The following RBBP5 variants were observed in gnomAD, a reference collection of about 807,000 sequenced individuals.
RBBP5 encodes the protein RB binding protein 5, histone lysine methyltransferase complex subunit.
A neutral mutation model predicts 72.2 loss-of-function variants in RBBP5; 5 were observed. The ratio of observed to expected loss-of-function variants is 0.07; its 90% CI spans 0.04 to 0.15. RBBP5 has a LOEUF of 0.15. Ranked by LOEUF, RBBP5 falls within the 10% of genes least tolerant of loss-of-function variation. The pLI is 1.00. For synonymous variants in RBBP5, 209 were observed against 237.2 expected (o/e 0.88, Z 1.09); for missense variants, 322 against 652.2 (o/e 0.49, Z 5.51).
intron 3 of RBBP5, among the ~76,000 whole-genome samples, chr1:205,114,164 C>T (rs753663162): frequency 1.3e-4 from 20 of 152,166 alleles, no homozygotes; most frequent in Non-Finnish European, 2.1e-4. Flanking sequence ...CCTCCCAATC[C>T]AGTGCTTTAT....
At position 205,099,125 on chromosome 1, in the gene RBBP5, T is replaced by C; in HGVS notation, c.979-19A>G. The C allele has an allele frequency of 7.0e-7, 1 of 1,422,502 alleles. No homozygotes were observed. The highest frequency in any genetic ancestry group is 9.8e-7 in the Non-Finnish European group (1 of 1,022,716). The allele number at this position is 1,422,502 out of a possible 1,614,324, so 88.1% of individuals were successfully genotyped here. A position where few individuals can be genotyped will look rare whatever the true frequency, so the allele number is the denominator to read the frequency against. ...AGTTTTCCTATACAACAAGATATAC[T>C]ACTTAACCATATGTGAAAGCAATAA... is the stretch of plus-strand genomic sequence containing the variant. On this transcript the variant is annotated intron_variant, in intron 9 of 13. Transcript: ENST00000264515. The surrounding 1 kb of genome is among the most constrained non-coding windows in gnomAD (Gnocchi z 4.7).
At chr1:205,113,427 T>C (rs1185235005) in intron 3 of RBBP5, among the ~76,000 whole-genome samples, 1 of 151,940 alleles carries the variant, frequency 6.6e-6, no homozygotes. Context: ...ACTACAGATG[T>C]GCACCATACA....
rs565685666 is a variant in RBBP5, at chr1:205,098,770, AG to A, written c.1096+218del. 1.1e-3 allele frequency among the ~76,000 whole-genome samples: 162 copies of A among 147,036 alleles called. 1 individual carries two copies. The highest frequency in any genetic ancestry group is 3.8e-3 in the African/African-American group (152 of 40,100). On this transcript the variant is annotated intron_variant, in intron 10 of 13. Coordinates refer to ENST00000264515, the MANE Select transcript of RBBP5 (RefSeq NM_005057.4). ...TGAGGCAGGAGAATCACTTGAACCCAGGGGGCAGAGGTTGCAGTGAGCCAAA... is the reference window on the plus strand; with the variant it reads ...TGAGGCAGGAGAATCACTTGAACCCAGGGGCAGAGGTTGCAGTGAGCCAAA...
At chr1:205,106,832 G>C (rs531765522) in intron 3 of RBBP5, among the ~76,000 whole-genome samples, 1 of 151,930 alleles carries the variant, frequency 6.6e-6, no homozygotes, top group Non-Finnish European at 1.5e-5. Context: ...GAAACAGATG[G>C]GGAAAAAAGC....
intron 3 of RBBP5, among the ~76,000 whole-genome samples, chr1:205,107,251 G>A (rs1196828161): frequency 6.6e-6 from 1 of 152,052 alleles, no homozygotes; most frequent in Non-Finnish European, 1.5e-5. Context: ...TCCTAAATCT[G>A]GCAAGAGATA....
chr1:205,101,810 A>G (rs1453407379), intron 5 of RBBP5, 101 bp from the exon 6 acceptor site: 2 of 797,086 alleles, frequency 2.5e-6, no homozygotes, highest in Non-Finnish European at 4.1e-6. Flanking sequence ...GTAAAAATGC[A>G]AATGTCTCTA....
In RBBP5 at chr1:205,099,167, TAATGATAA is replaced by T; in HGVS notation, c.979-69_979-62del. ...AAGCAATAATCTGTAATCTACACAT[TAATGATAA>T]AATGAAAGATGTGAGCATGAAAGGA... is the stretch of plus-strand genomic sequence containing the variant. On this transcript the variant is annotated intron_variant, in intron 9 of 13. Coordinates refer to ENST00000264515, the MANE Select transcript of RBBP5 (RefSeq NM_005057.4). This position sits in a 1 kb window ranked among gnomAD's most constrained non-coding sequence, Gnocchi z 4.7. 1.0e-6 allele frequency: 1 copy of T among 975,100 alleles called. No individual in the cohort carries two copies. The highest frequency in any genetic ancestry group is 1.5e-6 in the Non-Finnish European group (1 of 678,482). The allele number at this position is 975,100 out of a possible 1,614,324, so 60.4% of individuals were successfully genotyped here.
chr1:205,118,633 A>G (rs1656621903), intron 1 of RBBP5, among the ~76,000 whole-genome samples: 1 of 151,832 alleles, frequency 6.6e-6, no homozygotes, highest in South Asian at 2.1e-4. Flanking sequence ...AAGAAAAAAG[A>G]AAAGAAAAGA....
At chr1:205,091,383 T>A (rs1279327439) in intron 13 of RBBP5, 1 of 152,254 alleles carries the variant, frequency 6.6e-6, no homozygotes, top group African/African-American at 2.4e-5. Context: ...AGCCTGGTCC[T>A]TCCCAAAAGT....
chr1:205,100,321 T>C (rs760069183), intron 6 of RBBP5, 50 bp from the exon 7 acceptor site: 12 of 1,596,268 alleles, frequency 7.5e-6, no homozygotes, highest in Non-Finnish European at 3.4e-6. Flanking sequence ...ATCTGTTCCT[T>C]AGTACTACAA....
At chr1:205,111,490 C>T (rs773199645) in intron 3 of RBBP5, among the ~76,000 whole-genome samples, 8 of 152,184 alleles carry the variant, frequency 5.3e-5, no homozygotes, top group Admixed American at 1.3e-4. Context: ...CTCAAATCTT[C>T]CATTAATGAG....
chr1:205,109,573 G>GT (rs1489350692), intron 3 of RBBP5, among the ~76,000 whole-genome samples: 2 of 19,126 alleles, frequency 1.0e-4, no homozygotes, highest in African/African-American at 6.8e-4. Flanking sequence ...GGTGGGTGGG[G>GT]TAAAAAAAAA....
At chr1:205,106,546 C>G (rs1399673484) in intron 3 of RBBP5, among the ~76,000 whole-genome samples, 1 of 151,810 alleles carries the variant, frequency 6.6e-6, no homozygotes, top group Non-Finnish European at 1.5e-5. Context: ...TGCAGTGACC[C>G]AAGATGGCGC....
intron 1 of RBBP5, among the ~76,000 whole-genome samples, chr1:205,117,612 G>A (rs1656577484): frequency 1.3e-5 from 2 of 151,672 alleles, no homozygotes; most frequent in South Asian, 4.2e-4. Context: ...GTGAGCCGAG[G>A]TCACACCATT....
At chr1:205,116,843 C>A (rs1656544886) in intron 1 of RBBP5, among the ~76,000 whole-genome samples, 5 of 152,080 alleles carry the variant, frequency 3.3e-5, no homozygotes, top group Admixed American at 3.3e-4. Context: ...CAAGGAAAGG[C>A]AAGAGTCAAT....
chr1:205,092,689 C>CA (rs1324912298), intron 13 of RBBP5, among the ~76,000 whole-genome samples: 3 of 152,168 alleles, frequency 2.0e-5, no homozygotes, highest in African/African-American at 7.2e-5. Context: ...CTTGGCCTCT[C>CA]AAAGTGCTGG....
chr1:205,115,820 A>G lies in RBBP5; in HGVS notation c.45+38T>C, dbSNP rs112386921. 64 of 1,556,782 alleles carry G rather than the reference A, an allele frequency of 4.1e-5. No homozygotes were observed. In the African/African-American group the frequency reaches 7.7e-4, roughly 19 times the overall value. On this transcript the variant is annotated intron_variant, in intron 2 of 13. Transcript: ENST00000264515. ...GTTCTAACATAAACACCCAGAAGTT[A>G]CTATGTTCCTAAAATCACCACAATA... is the stretch of plus-strand genomic sequence containing the variant.
chr1:205,102,441 T>A (rs1283704227), intron 5 of RBBP5, among the ~76,000 whole-genome samples: 1 of 152,164 alleles, frequency 6.6e-6, no homozygotes, highest in African/African-American at 2.4e-5. Context: ...TCCCCTTATA[T>A]GAGGTACCTG....
intron 1 of RBBP5, among the ~76,000 whole-genome samples, chr1:205,117,425 CT>C (rs1374627072): frequency 6.6e-6 from 1 of 151,780 alleles, no homozygotes; most frequent in Non-Finnish European, 1.5e-5. Flanking sequence ...CTTTGGGAAG[CT>C]GAGGCAGGTG....
Sources: allele counts gnomAD v4.1 joint callset (sites outside exome capture counted in the v4.1 genomes callset), GRCh38; gene constraint gnomAD v4.1.1; non-coding constraint Gnocchi (gnomAD v3.1); transcripts MANE v1.5; gene names NCBI Gene and HGNC (gene_info 2026-07-23, HGNC 2026-07-21).